The following EPHB1 variants were observed in gnomAD, a reference collection of about 807,000 sequenced individuals.
EPHB1 encodes the protein ephrin type-B receptor 1.
EPHB1 carries 30 observed loss-of-function variants against 94.4 expected under a neutral mutation model. That is an observed-to-expected ratio of 0.32 (90% CI 0.24 to 0.43). The LOEUF (loss-of-function observed/expected upper bound fraction) is 0.43. Ranked by LOEUF, EPHB1 falls within the 20% of genes least tolerant of loss-of-function variation. The probability of loss-of-function intolerance (pLI) is 1.00; values close to 1 mark genes in which losing one functional copy is unlikely to be tolerated. For synonymous variants in EPHB1, 522 were observed against 489.1 expected, an observed-to-expected ratio of 1.07 and a Z score of -0.89; for missense variants, 1,055 against 1,308.3, an observed-to-expected ratio of 0.81 and a Z score of 2.99.
At chr3:135,153,773 G>A (rs1263653441) in intron 5 of EPHB1, among the ~76,000 whole-genome samples, 2 of 152,136 alleles carry the variant, frequency 1.3e-5, no homozygotes, top group Admixed American at 1.3e-4. Flanking sequence ...GCCCACAACT[G>A]CAAGACTGAG....
At chr3:134,860,749 G>A (rs2037238368) in intron 1 of EPHB1, among the ~76,000 whole-genome samples, 1 of 123,586 alleles carries the variant, frequency 8.1e-6, no homozygotes, top group African/African-American at 2.6e-5. Context: ...ATAGGCAGAG[G>A]TTGCAGTGAG....
intron 2 of EPHB1, among the ~76,000 whole-genome samples, chr3:134,939,143 CAA>C (rs2039066405): frequency 6.6e-6 from 1 of 152,164 alleles, no homozygotes; most frequent in African/African-American, 2.4e-5. Flanking sequence ...CATTGGGAAA[CAA>C]TATGTATATG....
At chr3:135,191,859 C>G (rs914315999) in intron 10 of EPHB1, among the ~76,000 whole-genome samples, 1 of 152,188 alleles carries the variant, frequency 6.6e-6, no homozygotes, top group African/African-American at 2.4e-5. Flanking sequence ...TGCAGAGGCC[C>G]AGCTCTTCCC....
At position 134,951,347 on chromosome 3, in the gene EPHB1, G is replaced by T. The variant is rs770655335; in HGVS notation, c.124-24G>T. 2.0e-6 allele frequency: 3 copies of T among 1,517,378 alleles called. No individual in the cohort carries two copies. 94.0% of individuals were successfully genotyped at this position (1,517,378 alleles called of 1,614,324 possible). On this transcript the variant is annotated intron_variant, in intron 2 of 15. Coordinates refer to ENST00000398015, the MANE Select transcript of EPHB1 (RefSeq NM_004441.5). The surrounding 1 kb of genome is among the most constrained non-coding windows in gnomAD (Gnocchi z 4.5). ...CTCTATTTTGTGTTTTTGCATGTGT[G>T]TGCCTGTGGCCTGCTATGTACAGTG...
At chr3:135,204,269 T>C (rs1942838294) in intron 12 of EPHB1, among the ~76,000 whole-genome samples, 1 of 152,194 alleles carries the variant, frequency 6.6e-6, no homozygotes, top group Non-Finnish European at 1.5e-5. Context: ...AATGGCATGA[T>C]CTCGGCTCAC....
chr3:134,907,086 C>T (rs2038348048), intron 1 of EPHB1, among the ~76,000 whole-genome samples: 1 of 152,100 alleles, frequency 6.6e-6, no homozygotes, highest in South Asian at 2.1e-4. Context: ...TATTATGGGC[C>T]AGGTGCAGTG....
At chr3:135,183,428 A>C (rs1942244132) in intron 10 of EPHB1, among the ~76,000 whole-genome samples, 1 of 152,148 alleles carries the variant, frequency 6.6e-6, no homozygotes, top group African/African-American at 2.4e-5. Flanking sequence ...TGTTTGTTGC[A>C]GGAGGGATTA....
intron 10 of EPHB1, among the ~76,000 whole-genome samples, chr3:135,183,010 CTTTTCT>C (rs1942202125): frequency 1.5e-5 from 1 of 65,728 alleles, no homozygotes; most frequent in African/African-American, 4.9e-5. Flanking sequence ...CTTTTCTTTT[CTTTTCT>C]TTTCTTTTCT....
intron 4 of EPHB1, among the ~76,000 whole-genome samples, chr3:135,130,986 G>A (rs1195502857): frequency 6.6e-6 from 1 of 152,200 alleles, no homozygotes; most frequent in African/African-American, 2.4e-5. Flanking sequence ...CAATATGGAT[G>A]GTAATGAATT....
At chr3:134,893,056 T>G (rs188015973) in intron 1 of EPHB1, among the ~76,000 whole-genome samples, 1,757 of 152,246 alleles carry the variant, frequency 0.012, 32 homozygotes, top group African/African-American at 0.036. Context: ...AAAAATCTCC[T>G]CATCCATCTG....
chr3:134,927,460 C>A (rs2038817264), intron 2 of EPHB1, among the ~76,000 whole-genome samples: 1 of 152,194 alleles, frequency 6.6e-6, no homozygotes, highest in Non-Finnish European at 1.5e-5. Flanking sequence ...ACACTGTGGG[C>A]AACCAGGAAA....
chr3:135,177,795 T>C (rs192125309), intron 9 of EPHB1, among the ~76,000 whole-genome samples: 1 of 152,280 alleles, frequency 6.6e-6, no homozygotes, highest in Admixed American at 6.5e-5. Context: ...GGGTTCTCTA[T>C]ATGCTTCCAA....
intron 1 of EPHB1, among the ~76,000 whole-genome samples, chr3:134,875,069 C>T (rs1281618456): frequency 6.6e-6 from 1 of 152,166 alleles, no homozygotes; most frequent in Admixed American, 6.5e-5. Flanking sequence ...TCAGTCCTGG[C>T]ATACTTAGGA....
chr3:135,049,779 G>A (rs912116798), intron 3 of EPHB1, among the ~76,000 whole-genome samples: 9 of 152,146 alleles, frequency 5.9e-5, no homozygotes, highest in Middle Eastern at 3.2e-3. Context: ...ATTTTGAGTT[G>A]GTTTCTATGT....
chr3:135,126,432 G>T (rs1940210621), intron 4 of EPHB1, among the ~76,000 whole-genome samples: 2 of 152,162 alleles, frequency 1.3e-5, no homozygotes, highest in Admixed American at 6.5e-5. Flanking sequence ...CCATAGGTCA[G>T]GGGAGGACAA....
At chr3:135,053,725 G>A (rs368146203) in intron 3 of EPHB1, among the ~76,000 whole-genome samples, 13 of 152,108 alleles carry the variant, frequency 8.5e-5, no homozygotes, top group African/African-American at 2.9e-4. Context: ...GGTGGCTCAC[G>A]CCTGTAATCC....
At chr3:134,858,849 G>C (rs7646231) in intron 1 of EPHB1, among the ~76,000 whole-genome samples, 2 of 152,032 alleles carry the variant, frequency 1.3e-5, no homozygotes, top group Non-Finnish European at 2.9e-5. Context: ...AGCCCAGCCT[G>C]CCTCAGTAGA....
chr3:135,043,721 A>G (rs1428888064), intron 3 of EPHB1, among the ~76,000 whole-genome samples: 1 of 152,236 alleles, frequency 6.6e-6, no homozygotes, highest in Non-Finnish European at 1.5e-5. Context: ...CCTTTAGCGG[A>G]AGACTCTTGC....
chr3:134,992,888 T>A (rs137973193), intron 3 of EPHB1, among the ~76,000 whole-genome samples: 118 of 152,324 alleles, frequency 7.7e-4, no homozygotes, highest in African/African-American at 2.7e-3. Flanking sequence ...TAAACCACAC[T>A]GACCCCACTG....
Sources: gnomAD v4.1 joint callset for allele counts (sites outside exome capture counted in the v4.1 genomes callset) on GRCh38, gnomAD v4.1.1 for gene constraint, Gnocchi (gnomAD v3.1) non-coding constraint, MANE v1.5 for transcripts, NCBI Gene and HGNC (gene_info 2026-07-23, HGNC 2026-07-21) for gene names.